The following MYOT variants were observed in gnomAD, a reference collection of about 807,000 sequenced individuals.
The protein encoded by MYOT is 57 kDa cytoskeletal protein.
In MYOT, 36 loss-of-function variants were observed where a neutral mutation model predicts 58.0. The observed-to-expected ratio is 0.62, with a 90% CI of 0.48 to 0.82. MYOT has a LOEUF of 0.82. Among genes scored for constraint, MYOT ranks in the 40% least tolerant of loss-of-function variants. The pLI, the probability that MYOT is intolerant of heterozygous loss-of-function variation, is 0.00. For missense variants in MYOT, 505 were observed against 592.1 expected (o/e 0.85, Z 1.53); for synonymous variants, 218 against 204.6 (o/e 1.07, Z -0.56).
At chr5:137,879,101 T>C (rs1025489461) in intron 4 of MYOT, among the ~76,000 whole-genome samples, 4 of 152,006 alleles carry the variant, frequency 2.6e-5, no homozygotes, top group African/African-American at 9.7e-5. Flanking sequence ...TGCTGGCTAG[T>C]TTTTGTATTT....
intron 1 of MYOT, among the ~76,000 whole-genome samples, chr5:137,869,043 A>G (rs531780678): frequency 2.8e-4 from 42 of 152,184 alleles, no homozygotes; most frequent in Non-Finnish European, 5.6e-4. Flanking sequence ...ATTTAACTCT[A>G]AACTACATAG....
At chr5:137,880,179 T>C (rs1323802774) in intron 4 of MYOT, among the ~76,000 whole-genome samples, 4 of 152,208 alleles carry the variant, frequency 2.6e-5, no homozygotes, top group Non-Finnish European at 5.9e-5. Flanking sequence ...AAATCCCTGA[T>C]TTTATTCTCA....
intron 3 of MYOT, 120 bp from the exon 4 acceptor site, chr5:137,877,400 A>G (rs1224654706): frequency 1.6e-6 from 1 of 607,118 alleles, no homozygotes; most frequent in Non-Finnish European, 2.9e-6. Flanking sequence ...AATAGAATCT[A>G]TCATTCAATA....
In MYOT at chr5:137,887,330, G is replaced by A. The variant is rs766736443; in HGVS notation, c.1442G>A (p.Gly481Glu). The A allele has an allele frequency of 8.7e-6, 14 of 1,613,880 alleles. No individual in the cohort carries two copies. The highest frequency in any genetic ancestry group is 2.2e-5 in the South Asian group (2 of 91,068). The change falls in exon 10 of 10, where the codon GGA (glycine) becomes GAA (glutamate). Residue 481 changes from glycine to glutamate, a missense_variant. Coordinates refer to ENST00000239926, the MANE Select transcript of MYOT (RefSeq NM_006790.3). ...LNVKQAFNPE[G>E]EFQRLAAQSG... ...GTAAAACAAGCTTTTAACCCAGAAG[G>A]AGAATTTCAGCGTTTGGCAGCTCAA...
chr5:137,878,336 G>A (rs1323196581), intron 4 of MYOT, among the ~76,000 whole-genome samples: 3 of 151,580 alleles, frequency 2.0e-5, no homozygotes, highest in Admixed American at 2.0e-4. Flanking sequence ...TCCTGCCTCA[G>A]CCTCTCAAGT....
intron 2 of MYOT, among the ~76,000 whole-genome samples, chr5:137,874,640 C>T (rs941935271): frequency 3.3e-5 from 5 of 152,036 alleles, no homozygotes; most frequent in Non-Finnish European, 7.4e-5. Flanking sequence ...AAGGGAAATA[C>T]GGGAGGGGCA....
At chr5:137,881,344 A>AT (rs796367677) in intron 5 of MYOT, among the ~76,000 whole-genome samples, 5 of 152,308 alleles carry the variant, frequency 3.3e-5, no homozygotes, top group African/African-American at 1.2e-4. Flanking sequence ...ACACTATCAG[A>AT]TCAAACAGTA....
At chr5:137,886,750 T>C (rs889449778) in intron 8 of MYOT, 114 bp from the exon 9 acceptor site, 3 of 832,754 alleles carry the variant, frequency 3.6e-6, no homozygotes, top group African/African-American at 3.4e-5. Context: ...AATAAATAGA[T>C]ACAGCTTTGG....
rs1032137635 is a variant in MYOT at position 137,886,981 on chromosome 5, A to G, written c.1308A>G (p.Thr436=). ...AAGCTGGAGTGACTACATGTAACAC[A>G]AGATTAGACGTTACGGGTATGTCAT... ...VNEAGVTTCN[T]RLDVTARPNQ... Residue 436 remains threonine (T), a synonymous_variant, in exon 9 of 10, where the codon ACA becomes ACG. Coordinates refer to ENST00000239926, the MANE Select transcript of MYOT (RefSeq NM_006790.3). 2 of 1,613,534 alleles carry G rather than the reference A, an allele frequency of 1.2e-6. No homozygotes were observed. Among genetic ancestry groups the G allele is most frequent in the Non-Finnish European group, 1.7e-6 (2 of 1,179,532 alleles).
At position 137,887,512 on chromosome 5, in the gene MYOT, T is replaced by G. The variant is rs568526564; in HGVS notation, c.*127T>G. The G allele has an allele frequency of 1.6e-5, 10 of 628,090 alleles. No homozygotes were observed. Among genetic ancestry groups the G allele is most frequent in the Non-Finnish European group, 2.1e-5 (9 of 419,238 alleles). 38.9% of individuals were successfully genotyped at this position (628,090 alleles called of 1,614,324 possible). On this transcript the variant is annotated 3_prime_UTR_variant, in exon 10 of 10. Transcript: ENST00000239926. Reference sequence around the variant, plus strand: ...TTAATTAGGTAATATAGTTAATATATATTTATAATATTATTTATCCTTTGA... The same window carrying G: ...TTAATTAGGTAATATAGTTAATATAGATTTATAATATTATTTATCCTTTGA...
intron 2 of MYOT, among the ~76,000 whole-genome samples, chr5:137,872,442 A>C (rs1435507540): frequency 6.6e-6 from 1 of 152,232 alleles, no homozygotes; most frequent in African/African-American, 2.4e-5. Flanking sequence ...CCAGAAAAGA[A>C]AGTGATCAAA....
chr5:137,887,029 G>C (rs1371505757), intron 9 of MYOT, 32 bp downstream of exon 9: 2 of 1,598,964 alleles, frequency 1.3e-6, no homozygotes, highest in Non-Finnish European at 8.6e-7. Context: ...AGTATTATAA[G>C]GGATTTAACT....
chr5:137,884,757 A>T (rs1321687196), intron 7 of MYOT, among the ~76,000 whole-genome samples: 1 of 152,180 alleles, frequency 6.6e-6, no homozygotes, highest in Non-Finnish European at 1.5e-5. Flanking sequence ...GGTCCCAAGC[A>T]TTTCAGATAA....
intron 2 of MYOT, among the ~76,000 whole-genome samples, chr5:137,873,112 C>T (rs57099766): frequency 0.026 from 4,015 of 152,056 alleles, 161 homozygotes; most frequent in African/African-American, 0.087. Flanking sequence ...TCCTTCAGGA[C>T]TTCTCAGATA....
chr5:137,883,686 T>C, intron 7 of MYOT, 95 bp downstream of exon 7: 1 of 1,169,428 alleles, frequency 8.6e-7, no homozygotes, highest in African/African-American at 1.5e-5. Context: ...AGACTTCATA[T>C]TTAAGGTTAA....
Position 137,870,903 on chromosome 5 carries a change from G to C in MYOT, c.252G>C (p.Arg84Ser), listed in dbSNP as rs886044687. ...QQHAGSNPGQ[R>S]VTTTYNQSPA... Reference sequence around the variant, plus strand: ...ATGCTGGCTCCAACCCAGGCCAAAGGGTTACAACCACCTATAACCAGTCCC... The same window carrying C: ...ATGCTGGCTCCAACCCAGGCCAAAGCGTTACAACCACCTATAACCAGTCCC... Residue 84 changes from arginine (R) to serine (S), a missense_variant, in exon 2 of 10, where the codon AGG (arginine) becomes AGC (serine). By Grantham distance (110) the Arg-to-Ser change is moderately radical. Coordinates refer to ENST00000239926, the MANE Select transcript of MYOT (RefSeq NM_006790.3). The C allele has an allele frequency of 6.2e-7, 1 of 1,614,056 alleles. No homozygotes were observed. The highest frequency in any genetic ancestry group is 2.2e-5 in the East Asian group (1 of 44,882).
At chr5:137,872,388 T>C (rs889347837) in intron 2 of MYOT, among the ~76,000 whole-genome samples, 5 of 152,216 alleles carry the variant, frequency 3.3e-5, no homozygotes, top group Non-Finnish European at 5.9e-5. Context: ...AAGAATTTTT[T>C]GTTTTTCTTA....
rs1354025892 is a variant in MYOT at position 137,886,133 on chromosome 5, C to A, written c.1110C>A (p.Cys370Ter). ...AGGGAGATTCAGTGAAACTAGAATG[C>A]CAGATCTCGGCTATACCTCCACCAA... ...VLEGDSVKLE[C>*]QISAIPPPKL... Residue 370 changes from cysteine to a stop codon, truncating the protein, a stop_gained, in exon 8 of 10, where the codon TGC (cysteine) becomes TGA (stop). Transcript: ENST00000239926. LOFTEE classifies it high-confidence loss of function. 2 of 1,611,386 alleles carry A rather than the reference C, an allele frequency of 1.2e-6. No homozygotes were observed. Among genetic ancestry groups the A allele is most frequent in the African/African-American group, 1.3e-5 (1 of 74,802 alleles).
rs1173495538 is a variant in MYOT at position 137,886,915 on chromosome 5, C to A, written c.1242C>A (p.Asn414Lys). The A allele has an allele frequency of 6.3e-7, 1 of 1,599,838 alleles. No individual in the cohort carries two copies. The highest frequency in any genetic ancestry group is 8.6e-7 in the Non-Finnish European group (1 of 1,167,160). ...TTACTTTACTGATAAAAGATGTAAA[C>A]AAGAAAGATGCTGGGTGGTATACTG... ...GRVTLLIKDV[N>K]KKDAGWYTVS... Residue 414 changes from asparagine to lysine, a missense_variant, in exon 9 of 10, where the codon AAC (asparagine) becomes AAA (lysine). Transcript: ENST00000239926.
Sources: gnomAD v4.1 joint callset for allele counts (sites outside exome capture counted in the v4.1 genomes callset) on GRCh38, gnomAD v4.1.1 for gene constraint, MANE v1.5 for transcripts, NCBI Gene and HGNC (gene_info 2026-07-23, HGNC 2026-07-21) for gene names.